RHBDD1: variants seen among roughly 807,000 people sequenced by gnomAD.
The protein encoded by RHBDD1 is rhomboid-related protein 4.
In RHBDD1, 38 loss-of-function variants were observed where a neutral mutation model predicts 36.3. That is an observed-to-expected ratio of 1.05 (90% confidence interval 0.81 to 1.37). The LOEUF (loss-of-function observed/expected upper bound fraction) is 1.37. Among genes scored for constraint, RHBDD1 ranks in the 40% most tolerant of loss-of-function variants. The pLI is 0.00. For synonymous variants in RHBDD1, 151 were observed against 136.5 expected, an observed-to-expected ratio of 1.11 and a Z score of -0.74; for missense variants, 393 against 377.6, an observed-to-expected ratio of 1.04 and a Z score of -0.34.
chr2:226,978,700 G>A (rs1955035264), intron 8 of RHBDD1, among the ~76,000 whole-genome samples: 1 of 152,156 alleles, frequency 6.6e-6, no homozygotes, highest in Non-Finnish European at 1.5e-5. Context: ...AGATTCACGA[G>A]TAATCACTAA....
intron 8 of RHBDD1, among the ~76,000 whole-genome samples, chr2:226,992,706 A>G (rs1958515958): frequency 6.6e-6 from 1 of 152,218 alleles, no homozygotes; most frequent in Non-Finnish European, 1.5e-5. Flanking sequence ...CCACATGTCC[A>G]TATCCATGAA....
chr2:226,923,349 T>C (rs1301140701), intron 8 of RHBDD1, among the ~76,000 whole-genome samples: 1 of 152,182 alleles, frequency 6.6e-6, no homozygotes, highest in Non-Finnish European at 1.5e-5. Flanking sequence ...TGCCATTCTC[T>C]CCTTGCCTGT....
chr2:226,810,455 G>A, the RHBDD1 span, among the ~76,000 whole-genome samples: 10 of 142,572 alleles, frequency 7.0e-5, no homozygotes, highest in East Asian at 2.0e-3. Context: ...CAGGAGAATC[G>A]CTTGAACCCA....
At chr2:226,912,439 G>T (rs1229248797) in intron 7 of RHBDD1, among the ~76,000 whole-genome samples, 1 of 151,996 alleles carries the variant, frequency 6.6e-6, no homozygotes, top group Non-Finnish European at 1.5e-5. Flanking sequence ...ACAGTCAAAA[G>T]GTAGAAATAA....
At chr2:226,927,219 C>T (rs947271240) in intron 8 of RHBDD1, among the ~76,000 whole-genome samples, 8 of 152,214 alleles carry the variant, frequency 5.3e-5, no homozygotes, top group Admixed American at 3.3e-4. Context: ...TTTGAGAGGT[C>T]GTACTTCTTT....
In RHBDD1 at chr2:226,908,833, T is replaced by C; in HGVS notation, c.667T>C (p.Ser223Pro). 1.2e-6 allele frequency: 2 copies of C among 1,607,156 alleles called. No individual in the cohort carries two copies. The highest frequency in any genetic ancestry group is 1.7e-6 in the Non-Finnish European group (2 of 1,173,654). The change falls in exon 7 of 9, where the codon TCC (serine) becomes CCC (proline). Residue 223 changes from serine to proline, a missense_variant. Transcript: ENST00000392062. ...TCTTTTACGTTTAGGCGGTTTTTCC[T>C]CCAGTGTTGGTTACCCAGGACGGCA... ...IMEACAGGFS[S>P]SVGYPGRQYY... is the part of the protein sequence containing the mutation.
At chr2:226,858,896 A>AT (rs1943578909) in intron 3 of RHBDD1, among the ~76,000 whole-genome samples, 1 of 152,120 alleles carries the variant, frequency 6.6e-6, no homozygotes, top group Admixed American at 6.5e-5. Flanking sequence ...TTAAAATGCT[A>AT]TTTTTTGTCA....
intron 3 of RHBDD1, among the ~76,000 whole-genome samples, chr2:226,857,096 A>AGTGT (rs61685494): frequency 2.7e-5 from 4 of 149,998 alleles, no homozygotes; most frequent in East Asian, 2.0e-4. Flanking sequence ...AGTGTAAGAG[A>AGTGT]GTGTGTGTGT....
chr2:226,818,491 C>T, the RHBDD1 span, among the ~76,000 whole-genome samples: 15 of 150,082 alleles, frequency 1.0e-4, no homozygotes, highest in East Asian at 2.2e-3. Context: ...TATTTGCCAA[C>T]GTTAAACATT....
intron 5 of RHBDD1, among the ~76,000 whole-genome samples, chr2:226,900,456 T>C (rs1947494225): frequency 1.3e-5 from 2 of 152,244 alleles, no homozygotes; most frequent in Admixed American, 6.5e-5. Flanking sequence ...AGTATCACAG[T>C]CAGTATTTGA....
At position 226,929,235 on chromosome 2, in the gene RHBDD1, G is replaced by A. The variant is rs567909871; in HGVS notation, c.856+14884G>A. 1.2e-3 allele frequency among the ~76,000 whole-genome samples: 188 copies of A among 152,120 alleles called. 1 individual carries two copies. The highest frequency in any genetic ancestry group is 1.9e-3 in the Admixed American group (29 of 15,244). Reference sequence around the variant, plus strand: ...CAGACAAATATCTCTGATGAACGTAGATGCAAAAACTCTCAACAAAATGCT... The same window carrying A: ...CAGACAAATATCTCTGATGAACGTAAATGCAAAAACTCTCAACAAAATGCT... On this transcript the variant is annotated intron_variant, in intron 8 of 8. Transcript: ENST00000392062.
chr2:226,925,661 A>T (rs553888068), intron 8 of RHBDD1, among the ~76,000 whole-genome samples: 1 of 152,354 alleles, frequency 6.6e-6, no homozygotes, highest in East Asian at 1.9e-4. Context: ...ATTTTTATAA[A>T]GCTGCTTCCT....
the RHBDD1 span, among the ~76,000 whole-genome samples, chr2:226,816,352 C>T: frequency 2.0e-5 from 1 of 51,150 alleles, no homozygotes; most frequent in Non-Finnish European, 3.7e-5. Context: ...GTTGCATTAA[C>T]AAGAATAGTA....
intron 8 of RHBDD1, among the ~76,000 whole-genome samples, chr2:226,940,891 C>T (rs1356035367): frequency 1.3e-5 from 2 of 151,942 alleles, no homozygotes; most frequent in Non-Finnish European, 2.9e-5. Flanking sequence ...GGTCTGTGGG[C>T]AGCCTGGGAG....
the RHBDD1 span, among the ~76,000 whole-genome samples, chr2:226,810,109 T>C: frequency 1.3e-5 from 2 of 152,198 alleles, no homozygotes; most frequent in African/African-American, 4.8e-5. Flanking sequence ...AAAATCTGCA[T>C]ATAACTTTAG....
upstream of RHBDD1, among the ~76,000 whole-genome samples, chr2:226,835,318 T>G (rs781196384): frequency 2.0e-5 from 3 of 152,214 alleles, no homozygotes; most frequent in Non-Finnish European, 4.4e-5. Flanking sequence ...AGCAAACAAT[T>G]AAAATGGTAT....
rs1553543385 is a variant in RHBDD1 at position 226,852,901 on chromosome 2, T to TTTATTATTGTTA, written c.-90-11695_-90-11694insGTTATTATTATT. ...GGTGTGTGCCACTGCACCTGGCTAA[T>TTTATTATTGTTA]TTATTATTATTATTATTATTATTAT... is the stretch of plus-strand genomic sequence containing the variant. On this transcript the variant is annotated intron_variant, in intron 3 of 8. Transcript: ENST00000392062. Among the ~76,000 whole-genome samples, 1,114 of 125,196 alleles carry TTTATTATTGTTA rather than the reference T, an allele frequency of 8.9e-3. 11 individuals carry two copies. The highest frequency in any genetic ancestry group is 0.013 in the African/African-American group (398 of 30,826). The allele number at this position is 125,196 out of a possible 152,430, so 82.1% of individuals were successfully genotyped here. A position where few individuals can be genotyped will look rare whatever the true frequency, so the allele number is the denominator to read the frequency against.
intron 8 of RHBDD1, among the ~76,000 whole-genome samples, chr2:226,924,048 T>A (rs1303354906): frequency 6.6e-6 from 1 of 152,026 alleles, no homozygotes; most frequent in African/African-American, 2.4e-5. Context: ...TCCCTTTACT[T>A]TCCTCACTTC....
intron 8 of RHBDD1, among the ~76,000 whole-genome samples, chr2:226,954,743 G>A (rs1275935356): frequency 2.0e-5 from 3 of 152,100 alleles, no homozygotes; most frequent in Non-Finnish European, 2.9e-5. Context: ...GGTTGAAAAA[G>A]TAATGGGAAT....
Sources: gnomAD v4.1 joint callset for allele counts (sites outside exome capture counted in the v4.1 genomes callset) on GRCh38, gnomAD v4.1.1 for gene constraint, MANE v1.5 for transcripts, NCBI Gene and HGNC (gene_info 2026-07-23, HGNC 2026-07-21) for gene names.